Variants in SLC24A2 observed in about 807,000 individuals in gnomAD.
SLC24A2 encodes solute carrier family 24 member 2, also known as sodium/potassium/calcium exchanger 2.
Under a neutral mutation model 62.0 loss-of-function variants are expected in SLC24A2, and 36 were observed. The ratio of observed to expected loss-of-function variants is 0.58; its 90% CI spans 0.44 to 0.77. The LOEUF is 0.77. SLC24A2 is among the 30% of genes least tolerant of loss of function. The pLI is 0.00. For missense variants in SLC24A2, 846 were observed against 817.9 expected, an observed-to-expected ratio of 1.03 and a Z score of -0.42; for synonymous variants, 358 against 294.0, an observed-to-expected ratio of 1.22 and a Z score of -2.23.
the SLC24A2 span, among the ~76,000 whole-genome samples, chr9:19,819,409 A>T: frequency 6.6e-6 from 1 of 152,158 alleles, no homozygotes; most frequent in Non-Finnish European, 1.5e-5. Context: ...GAGTAAACAG[A>T]CAACCCACAG....
the SLC24A2 span, among the ~76,000 whole-genome samples, chr9:19,941,556 A>AGTGT: frequency 7.1e-3 from 946 of 134,084 alleles, 8 homozygotes; most frequent in Middle Eastern, 0.027. Flanking sequence ...GAGGACTGGG[A>AGTGT]GTGTGTGTGT....
At chr9:20,123,733 T>C in the SLC24A2 span, among the ~76,000 whole-genome samples, 1 of 152,202 alleles carries the variant, frequency 6.6e-6, no homozygotes, top group African/African-American at 2.4e-5. Context: ...GTCACACATC[T>C]AGTAAGTAAC....
In SLC24A2 at chr9:19,515,905, A is replaced by T; in HGVS notation, c.*248T>A. 2.0e-6 allele frequency: 1 copy of T among 501,192 alleles called. No homozygotes were observed. The highest frequency in any genetic ancestry group is 3.6e-6 in the Non-Finnish European group (1 of 275,328). The allele number at this position is 501,192 out of a possible 1,614,324, so 31.0% of individuals were successfully genotyped here. The stretch of plus-strand genomic sequence containing the variant: ...AGCGAGGTGTACTTGTCAGTGGTGA[A>T]TAGGGAGAAGCCCTGTATTGACGGT... On this transcript the variant is annotated 3_prime_UTR_variant, in exon 11 of 11. Transcript: ENST00000341998.
intron 7 of SLC24A2, among the ~76,000 whole-genome samples, chr9:19,552,796 C>A (rs1268068315): frequency 6.6e-6 from 1 of 152,252 alleles, no homozygotes; most frequent in Admixed American, 6.5e-5. Flanking sequence ...TAGCTCCTTT[C>A]TCCATCTGCC....
the SLC24A2 span, among the ~76,000 whole-genome samples, chr9:20,209,694 A>G: frequency 6.6e-5 from 10 of 152,184 alleles, no homozygotes; most frequent in Non-Finnish European, 1.2e-4. Context: ...TGGGTAAAGC[A>G]TGAAGTAATC....
the SLC24A2 span, among the ~76,000 whole-genome samples, chr9:19,873,546 CTTTCTT>C: frequency 7.2e-6 from 1 of 139,114 alleles, no homozygotes; most frequent in Non-Finnish European, 1.6e-5. Context: ...CTCTTTCTTT[CTTTCTT>C]TCTCTCTCTC....
At chr9:19,833,534 C>A in the SLC24A2 span, among the ~76,000 whole-genome samples, 2 of 152,154 alleles carry the variant, frequency 1.3e-5, no homozygotes, top group African/African-American at 4.8e-5. Context: ...GGGGGAGGGG[C>A]GCCCGCCATT....
intron 4 of SLC24A2, among the ~76,000 whole-genome samples, chr9:19,611,061 T>C (rs991332309): frequency 6.6e-6 from 1 of 152,196 alleles, no homozygotes; most frequent in Admixed American, 6.5e-5. Flanking sequence ...TTCACTTTCA[T>C]TGTTTTGCTT....
chr9:20,057,727 T>C, the SLC24A2 span, among the ~76,000 whole-genome samples: 1 of 152,216 alleles, frequency 6.6e-6, no homozygotes, highest in Non-Finnish European at 1.5e-5. Flanking sequence ...TAAGTAATAG[T>C]AATCCATTTC....
the SLC24A2 span, among the ~76,000 whole-genome samples, chr9:20,028,616 C>T: frequency 1.3e-5 from 2 of 152,170 alleles, no homozygotes; most frequent in East Asian, 1.9e-4. Context: ...TCCATAGAAA[C>T]GTGCCATTCT....
the SLC24A2 span, among the ~76,000 whole-genome samples, chr9:19,987,886 T>C: frequency 5.1e-3 from 776 of 152,258 alleles, 7 homozygotes; most frequent in African/African-American, 0.018. Context: ...GCGACACCCA[T>C]CTCTAAATTG....
chr9:19,625,973 C>T (rs887081707), intron 2 of SLC24A2, among the ~76,000 whole-genome samples: 2 of 151,936 alleles, frequency 1.3e-5, no homozygotes, highest in Non-Finnish European at 2.9e-5. Context: ...AAGTGTGAGC[C>T]ACCGCGCCCT....
chr9:20,302,042 T>C, the SLC24A2 span, among the ~76,000 whole-genome samples: 1 of 152,230 alleles, frequency 6.6e-6, no homozygotes, highest in Non-Finnish European at 1.5e-5. Flanking sequence ...GTAATATGCA[T>C]TTAAGTTTCC....
chr9:20,272,771 T>C, the SLC24A2 span, among the ~76,000 whole-genome samples: 2 of 152,276 alleles, frequency 1.3e-5, no homozygotes, highest in East Asian at 3.9e-4. Flanking sequence ...ACAAATCTAC[T>C]CTGGCTCCCT....
the SLC24A2 span, among the ~76,000 whole-genome samples, chr9:20,261,809 G>A: frequency 3.2e-5 from 4 of 124,416 alleles, no homozygotes; most frequent in Non-Finnish European, 6.2e-5. Flanking sequence ...GCACGATCTC[G>A]GCTCACTGCA....
At chr9:19,961,237 A>T in the SLC24A2 span, among the ~76,000 whole-genome samples, 213 of 152,208 alleles carry the variant, frequency 1.4e-3, 4 homozygotes, top group East Asian at 0.032. Flanking sequence ...ATAATAATAA[A>T]AAAAAAGAAA....
intron 2 of SLC24A2, among the ~76,000 whole-genome samples, chr9:19,704,754 C>T (rs948965930): frequency 6.6e-6 from 1 of 151,318 alleles, no homozygotes; most frequent in Non-Finnish European, 1.5e-5. Flanking sequence ...GTCTGTGTAA[C>T]CTTCATGTCC....
the SLC24A2 span, among the ~76,000 whole-genome samples, chr9:19,930,342 G>A: frequency 6.6e-6 from 1 of 152,158 alleles, no homozygotes; most frequent in Non-Finnish European, 1.5e-5. Context: ...TTATCATTGT[G>A]TTACAATTGC....
chr9:20,225,384 C>A, the SLC24A2 span, among the ~76,000 whole-genome samples: 1 of 150,210 alleles, frequency 6.7e-6, no homozygotes, highest in Admixed American at 6.7e-5. Context: ...ACTCTCATAA[C>A]TACTTTTGGG....
Sources: gnomAD v4.1 joint callset for allele counts (sites outside exome capture counted in the v4.1 genomes callset) on GRCh38, gnomAD v4.1.1 for gene constraint, MANE v1.5 for transcripts, NCBI Gene and HGNC (gene_info 2026-07-23, HGNC 2026-07-21) for gene names.